Variants in OTUD7B observed in about 807,000 individuals in gnomAD.
OTUD7B encodes OTU deubiquitinase 7B, also known as OTU domain-containing protein 7B.
A neutral mutation model predicts 82.2 loss-of-function variants in OTUD7B; 34 were observed. The ratio of observed to expected loss-of-function variants is 0.41; its 90% CI spans 0.31 to 0.55. OTUD7B has a LOEUF of 0.55. Among genes scored for constraint, OTUD7B ranks in the 20% least tolerant of loss-of-function variants. OTUD7B has a pLI of 0.20. For synonymous variants in OTUD7B, 398 were observed against 402.7 expected (o/e 0.99, Z 0.14); for missense variants, 944 against 1,062.1 (o/e 0.89, Z 1.55).
chr1:150,001,358 TC>T (rs1437521505), intron 1 of OTUD7B, among the ~76,000 whole-genome samples: 1 of 152,160 alleles, frequency 6.6e-6, no homozygotes, highest in Non-Finnish European at 1.5e-5. Context: ...CAGAATGGTT[TC>T]CCAAAACTAT....
intron 2 of OTUD7B, among the ~76,000 whole-genome samples, chr1:149,973,670 G>A (rs1553778028): frequency 6.6e-6 from 1 of 151,810 alleles, no homozygotes; most frequent in Middle Eastern, 3.4e-3. Context: ...ATTTTTAGTG[G>A]AGATGGGGCT....
chr1:149,942,816 C>T lies in OTUD7B; in HGVS notation c.*1041G>A, dbSNP rs1208605222. 1 of 152,324 alleles carries T rather than the reference C, an allele frequency of 6.6e-6. No homozygotes were observed. Among genetic ancestry groups the T allele is most frequent in the African/African-American group, 2.4e-5 (1 of 41,342 alleles). 9.4% of individuals were successfully genotyped at this position (152,324 alleles called of 1,614,324 possible). A position where few individuals can be genotyped will look rare whatever the true frequency, so the allele number is the denominator to read the frequency against. ...ATCATTTTTTAAATGTTTTTGCTTG[C>T]TGGGGTCTTTTTATTTCTTTTCCTT... is the stretch of plus-strand genomic sequence containing the variant. On this transcript the variant is annotated 3_prime_UTR_variant, in exon 12 of 12. Transcript: ENST00000581312.
At chr1:149,968,018 C>T (rs1301889518) in intron 3 of OTUD7B, among the ~76,000 whole-genome samples, 1 of 152,028 alleles carries the variant, frequency 6.6e-6, no homozygotes, top group African/African-American at 2.4e-5. Flanking sequence ...AAAGAAAATC[C>T]TTTGGGAGGC....
upstream of OTUD7B, among the ~76,000 whole-genome samples, chr1:150,014,532 G>A (rs587652460): frequency 5.9e-5 from 9 of 151,942 alleles, no homozygotes; most frequent in Middle Eastern, 3.4e-3. Context: ...AAACTTATAC[G>A]TGAATGTTCA....
chr1:150,065,415 A>G, the OTUD7B span, among the ~76,000 whole-genome samples: 3 of 152,274 alleles, frequency 2.0e-5, no homozygotes, highest in Middle Eastern at 0.01. Flanking sequence ...TCCTTAAAGC[A>G]CTGATTTCTT....
At chr1:150,027,971 T>C in the OTUD7B span, among the ~76,000 whole-genome samples, 1 of 152,220 alleles carries the variant, frequency 6.6e-6, no homozygotes, top group Non-Finnish European at 1.5e-5. Flanking sequence ...TTCTGAAGTA[T>C]CCAAAATAAC....
chr1:150,023,038 A>T, the OTUD7B span, among the ~76,000 whole-genome samples: 1 of 152,214 alleles, frequency 6.6e-6, no homozygotes, highest in East Asian at 1.9e-4. Flanking sequence ...CTCACCTGGT[A>T]TATGTTCTGA....
chr1:149,954,508 C>G (rs979656449), intron 7 of OTUD7B, among the ~76,000 whole-genome samples: 9 of 152,042 alleles, frequency 5.9e-5, no homozygotes, highest in Admixed American at 3.3e-4. Context: ...CTAAAATTCT[C>G]TTTTTTTGTT....
intron 7 of OTUD7B, among the ~76,000 whole-genome samples, chr1:149,957,000 T>G (rs1416802322): frequency 2.0e-5 from 3 of 151,996 alleles, no homozygotes; most frequent in African/African-American, 7.3e-5. Flanking sequence ...TAGCTCAGAG[T>G]TTGTTATTAC....
chr1:150,056,472 TGTTATGAAAAATTAATTATA>T, the OTUD7B span, among the ~76,000 whole-genome samples: 1 of 152,164 alleles, frequency 6.6e-6, no homozygotes, highest in African/African-American at 2.4e-5. Context: ...ATAAAATACT[TGTTATGAAAAATTAATTATA>T]GCTAGGCTAA....
chr1:150,058,260 C>T, the OTUD7B span, among the ~76,000 whole-genome samples: 3 of 152,176 alleles, frequency 2.0e-5, no homozygotes, highest in Non-Finnish European at 2.9e-5. Context: ...AATCCCAGCA[C>T]TTTGGGAGAC....
chr1:149,951,483 T>G (rs1648249360), intron 7 of OTUD7B, among the ~76,000 whole-genome samples: 1 of 152,190 alleles, frequency 6.6e-6, no homozygotes, highest in Non-Finnish European at 1.5e-5. Flanking sequence ...TTTCCTGGAT[T>G]ACTACAACTG....
chr1:150,014,219 G>A (rs1246647333), upstream of OTUD7B, among the ~76,000 whole-genome samples: 1 of 89,700 alleles, frequency 1.1e-5, no homozygotes, highest in Non-Finnish European at 2.2e-5. Flanking sequence ...GGCAATATAA[G>A]GAGATCCCAT....
chr1:149,967,476 A>G lies in OTUD7B; in HGVS notation c.320T>C (p.Val107Ala). ...RGISHASSSI[V>A]SLARSHVSSN... ...GGAGACATGGGACCGGGCCAGGGAA[A>G]CAATGCTGGAGCTGGCGTGGGAGAT... The change falls in exon 4 of 12, where the codon GTT becomes GCT. Residue 107 changes from valine (V) to alanine (A), a missense_variant. This residue lies in a region of OTUD7B where 530 missense variants were observed against 625.6 expected (regional missense o/e 0.85). Transcript: ENST00000581312. 1 of 1,613,610 alleles carries G rather than the reference A, an allele frequency of 6.2e-7. No individual in the cohort carries two copies. The highest frequency in any genetic ancestry group is 8.5e-7 in the Non-Finnish European group (1 of 1,179,710).
chr1:150,024,921 A>T, the OTUD7B span, among the ~76,000 whole-genome samples: 1 of 152,044 alleles, frequency 6.6e-6, no homozygotes, highest in Non-Finnish European at 1.5e-5. Flanking sequence ...GGTGGCACAC[A>T]TCTGTAGTCC....
intron 2 of OTUD7B, among the ~76,000 whole-genome samples, chr1:149,974,173 C>T (rs1650130662): frequency 6.6e-6 from 1 of 152,122 alleles, no homozygotes; most frequent in South Asian, 2.1e-4. Context: ...TCAGGCGATT[C>T]TCACGCTTCA....
chr1:149,958,065 C>T (rs587618540), intron 7 of OTUD7B, among the ~76,000 whole-genome samples: 1 of 152,274 alleles, frequency 6.6e-6, no homozygotes, highest in African/African-American at 2.4e-5. Context: ...CTGAGATGAA[C>T]CCGGTACCTC....
chr1:149,985,194 G>A (rs1553780576), intron 1 of OTUD7B, among the ~76,000 whole-genome samples: 2 of 152,154 alleles, frequency 1.3e-5, no homozygotes, highest in African/African-American at 4.8e-5. Flanking sequence ...GATCACTTAA[G>A]GTCAAAAGTT....
At chr1:149,974,629 A>G (rs1650179509) in intron 2 of OTUD7B, among the ~76,000 whole-genome samples, 1 of 134,610 alleles carries the variant, frequency 7.4e-6, no homozygotes, top group African/African-American at 2.8e-5. Context: ...GACTCACCGC[A>G]GTCTCTGCCT....
Sources: allele counts gnomAD v4.1 joint callset (sites outside exome capture counted in the v4.1 genomes callset), GRCh38; gene constraint gnomAD v4.1.1; regional missense constraint gnomAD v4.1.1; transcripts MANE v1.5; gene names NCBI Gene and HGNC (gene_info 2026-07-23, HGNC 2026-07-21).